The following LRCH2 variants were observed in gnomAD, a reference collection of about 807,000 sequenced individuals.
The protein encoded by LRCH2 is leucine-rich repeat and calponin homology domain-containing protein 2.
LRCH2 carries 38 observed loss-of-function variants against 68.9 expected under a neutral mutation model. That is an observed-to-expected ratio of 0.55 (90% CI 0.43 to 0.72). The LOEUF (loss-of-function observed/expected upper bound fraction) is 0.72. Among genes scored for constraint, LRCH2 ranks in the 30% least tolerant of loss-of-function variants. The pLI, the probability that LRCH2 is intolerant of heterozygous loss-of-function variation, is 0.00. For synonymous variants in LRCH2, 191 were observed against 208.1 expected (o/e 0.92, Z 0.71); for missense variants, 528 against 572.9 (o/e 0.92, Z 0.80).
chrX:115,180,564 T>C (rs186390345), intron 3 of LRCH2, among the ~76,000 whole-genome samples: 19 of 111,824 alleles, frequency 1.7e-4, no homozygotes, highest in Admixed American at 2.9e-4. Context: ...TCTCAGACAG[T>C]AATCATTCCA....
At chrX:115,156,129 T>A (rs782198225) in intron 12 of LRCH2, among the ~76,000 whole-genome samples, 1 of 111,572 alleles carries the variant, frequency 9.0e-6, no homozygotes, top group South Asian at 3.8e-4. Flanking sequence ...GAGTTGAGTC[T>A]AATCTAAATT....
Position 115,126,780 on chromosome X carries a change from T to C in LRCH2, c.1791+63A>G, listed in dbSNP as rs1001282674. ...TACAGAGAACTGGCAAGGAAGACTC[T>C]TATGTAAAACACAGAAAACATACAA... is the stretch of plus-strand genomic sequence containing the variant. On this transcript the variant is annotated intron_variant, in intron 16 of 20. Coordinates refer to ENST00000317135, the MANE Select transcript of LRCH2 (RefSeq NM_020871.4). The C allele has an allele frequency of 1.7e-5, 15 of 863,741 alleles. No individual in the cohort carries two copies. The African/African-American group carries it at 3.0e-4, about 17-fold the overall frequency. The allele number at this position is 863,741 out of a possible 1,213,427, so 71.2% of individuals were successfully genotyped here.
At chrX:115,232,305 C>A (rs1556578745) in intron 1 of LRCH2, among the ~76,000 whole-genome samples, 1 of 109,319 alleles carries the variant, frequency 9.1e-6, no homozygotes, top group Non-Finnish European at 1.9e-5. Context: ...TATAATGATG[C>A]AGTCTGAAAC....
intron 14 of LRCH2, among the ~76,000 whole-genome samples, chrX:115,146,902 TACATACACACAC>T (rs1228825551): frequency 1.5e-4 from 8 of 53,910 alleles, no homozygotes; most frequent in African/African-American, 6.3e-4. Flanking sequence ...ATTTCTTACA[TACATACACACAC>T]ACACACACAC....
intron 12 of LRCH2, among the ~76,000 whole-genome samples, chrX:115,155,203 T>C (rs2072465818): frequency 9.1e-6 from 1 of 110,283 alleles, no homozygotes; most frequent in South Asian, 3.9e-4. Context: ...GAAAACTGCA[T>C]ATTACTAAAT....
intron 11 of LRCH2, among the ~76,000 whole-genome samples, chrX:115,159,667 C>T (rs991295859): frequency 7.5e-5 from 8 of 106,628 alleles, no homozygotes; most frequent in African/African-American, 1.0e-4. Flanking sequence ...AGGAGAATGG[C>T]GTGAACCCAG....
At chrX:115,173,750 A>G (rs2072623584) in intron 5 of LRCH2, among the ~76,000 whole-genome samples, 1 of 111,413 alleles carries the variant, frequency 9.0e-6, no homozygotes, top group Admixed American at 9.5e-5. Flanking sequence ...TCCATTATAC[A>G]TGGATTTTCT....
intron 10 of LRCH2, 133 bp downstream of exon 10, chrX:115,165,272 A>C (rs2072548765): frequency 2.2e-6 from 1 of 446,957 alleles, no homozygotes; most frequent in Non-Finnish European, 3.8e-6. Flanking sequence ...TGAAGTATTT[A>C]TAAATTAACT....
chrX:115,210,913 C>A (rs781912816), intron 1 of LRCH2, among the ~76,000 whole-genome samples: 7 of 111,817 alleles, frequency 6.3e-5, no homozygotes, highest in Non-Finnish European at 7.5e-5. Flanking sequence ...GGCCTGTAAC[C>A]CCTTAGTTTT....
intron 1 of LRCH2, chrX:115,189,468 G>A: frequency 8.5e-7 from 1 of 1,177,303 alleles, no homozygotes; most frequent in Non-Finnish European, 1.1e-6. Context: ...GCCCAGAGAA[G>A]CTTTTCATTG....
At chrX:115,199,032 G>A (rs1569516480) in intron 1 of LRCH2, among the ~76,000 whole-genome samples, 1 of 112,242 alleles carries the variant, frequency 8.9e-6, no homozygotes, top group Non-Finnish European at 1.9e-5. Flanking sequence ...AGCAAATGCT[G>A]AGGAATTCAT....
At position 115,113,049 on chromosome X, in the gene LRCH2, G is replaced by A. The variant is rs1015122818; in HGVS notation, c.*167C>T. The A allele has an allele frequency of 8.2e-5, 29 of 352,049 alleles. No homozygotes were observed. The highest frequency in any genetic ancestry group is 6.7e-4 in the African/African-American group (25 of 37,164). 29.0% of individuals were successfully genotyped at this position (352,049 alleles called of 1,213,427 possible). ...ATCCAGTTTTCCCCCAAAGAAGTTC[G>A]GGCAATTCAATGTTTAAGTTTGATG... is the stretch of plus-strand genomic sequence containing the variant. On this transcript the variant is annotated 3_prime_UTR_variant, in exon 21 of 21. Coordinates refer to ENST00000317135, the MANE Select transcript of LRCH2 (RefSeq NM_020871.4).
intron 1 of LRCH2, among the ~76,000 whole-genome samples, chrX:115,212,972 T>TA (rs367910220): frequency 0.048 from 4,601 of 95,387 alleles, 195 homozygotes; most frequent in African/African-American, 0.14. Flanking sequence ...CCTTGTCTCA[T>TA]AAAAAAAAAA....
rs1223847512 is a variant in LRCH2 at position 115,233,932 on chromosome X, C to T, written c.110G>A (p.Gly37Glu). The T allele has an allele frequency of 1.9e-5, 22 of 1,160,105 alleles. No individual in the cohort carries two copies. The East Asian group carries it at 6.9e-4, about 36-fold the overall frequency. Residue 37 changes from glycine (G) to glutamate (E), a missense_variant, in exon 1 of 21, where the codon GGG becomes GAG. By Grantham distance (98) the Gly-to-Glu change is moderately conservative. Transcript: ENST00000317135. ...TAGGGGGGAG[G>E]GGGGGGGTLV... ...GGTCCCGCCGCCGCCGCCGCCTCCC[C>T]CTCCAGCCCCGCCACCTCCCCCTCC...
chrX:115,177,046 CTTTT>C (rs35686915), intron 5 of LRCH2, among the ~76,000 whole-genome samples: 3 of 66,653 alleles, frequency 4.5e-5, no homozygotes, highest in Non-Finnish European at 7.9e-5. Context: ...CGCACCCAGC[CTTTT>C]TTTTTTTTTT....
intron 20 of LRCH2, among the ~76,000 whole-genome samples, chrX:115,118,112 T>C (rs1191833478): frequency 9.1e-6 from 1 of 110,266 alleles, no homozygotes; most frequent in Non-Finnish European, 1.9e-5. Context: ...ATCCCAGTTA[T>C]TTGTGAAATG....
chrX:115,165,793 T>C, intron 8 of LRCH2, 48 bp downstream of exon 8: 1 of 977,415 alleles, frequency 1.0e-6, no homozygotes, highest in South Asian at 2.3e-5. Context: ...CCATTTTTAA[T>C]GTGGGCTATG....
chrX:115,226,158 T>G (rs1198252795), intron 1 of LRCH2, among the ~76,000 whole-genome samples: 1 of 111,393 alleles, frequency 9.0e-6, no homozygotes, highest in Non-Finnish European at 1.9e-5. Flanking sequence ...TGAAAATGGC[T>G]ATCAGTGAGA....
intron 1 of LRCH2, among the ~76,000 whole-genome samples, chrX:115,228,887 G>A (rs1260791298): frequency 3.6e-5 from 4 of 110,840 alleles, no homozygotes; most frequent in African/African-American, 1.3e-4. Context: ...TATGTGTACA[G>A]TATATTAAAA....
Sources: gnomAD v4.1 joint callset for allele counts (sites outside exome capture counted in the v4.1 genomes callset) on GRCh38, gnomAD v4.1.1 for gene constraint, MANE v1.5 for transcripts, NCBI Gene and HGNC (gene_info 2026-07-23, HGNC 2026-07-21) for gene names.